Variants in CSMD1 observed in about 807,000 individuals in gnomAD.
CSMD1 encodes the protein CUB and sushi domain-containing protein 1.
In CSMD1, 213 loss-of-function variants were observed where a neutral mutation model predicts 417.5. The observed-to-expected ratio is 0.51, with a 90% CI of 0.46 to 0.57. CSMD1 has a LOEUF of 0.57. Ranked by LOEUF, CSMD1 falls within the 20% of genes least tolerant of loss-of-function variation. The probability of loss-of-function intolerance (pLI) is 0.00; values close to 1 mark genes in which losing one functional copy is unlikely to be tolerated. For missense variants in CSMD1, 6,923 were observed against 4,529.7 expected (o/e 1.53, Z -15.17); for synonymous variants, 2,862 against 1,736.8 (o/e 1.65, Z -16.11).
At chr8:4,102,234 C>A (rs915610614) in intron 3 of CSMD1, among the ~76,000 whole-genome samples, 1 of 152,132 alleles carries the variant, frequency 6.6e-6, no homozygotes, top group Non-Finnish European at 1.5e-5. Context: ...CCTTGCCCTT[C>A]TGTAATGTTT....
At chr8:4,524,852 T>G (rs1433460706) in intron 2 of CSMD1, among the ~76,000 whole-genome samples, 1 of 152,154 alleles carries the variant, frequency 6.6e-6, no homozygotes, top group Non-Finnish European at 1.5e-5. Flanking sequence ...TAATAAAAAT[T>G]GGAATTCATT....
chr8:3,545,174 C>T (rs1287214859), intron 10 of CSMD1, among the ~76,000 whole-genome samples: 2 of 152,164 alleles, frequency 1.3e-5, no homozygotes, highest in East Asian at 3.9e-4. Context: ...AAGGACTCTA[C>T]ACTTAGCAAA....
chr8:4,423,958 T>C (rs950957118), intron 2 of CSMD1, among the ~76,000 whole-genome samples: 2 of 151,998 alleles, frequency 1.3e-5, no homozygotes, highest in African/African-American at 4.8e-5. Flanking sequence ...TCAAAAGAAA[T>C]TGCATAGAAT....
intron 1 of CSMD1, among the ~76,000 whole-genome samples, chr8:4,796,759 A>C (rs2117261422): frequency 6.6e-6 from 1 of 152,324 alleles, no homozygotes; most frequent in East Asian, 1.9e-4. Context: ...GTGGAGCCGA[A>C]TTCAGTCCCC....
intron 15 of CSMD1, among the ~76,000 whole-genome samples, chr8:3,401,860 A>C (rs1265042578): frequency 6.6e-6 from 1 of 152,210 alleles, no homozygotes; most frequent in Non-Finnish European, 1.5e-5. Flanking sequence ...ATATTTGATG[A>C]ACATCATCAA....
At chr8:4,047,737 TAAATC>T (rs1345457197) in intron 3 of CSMD1, among the ~76,000 whole-genome samples, 5 of 151,758 alleles carry the variant, frequency 3.3e-5, no homozygotes, top group African/African-American at 9.7e-5. Flanking sequence ...TGGAGAAAAA[TAAATC>T]AAGAGAAAAT....
intron 52 of CSMD1, among the ~76,000 whole-genome samples, chr8:3,018,073 T>G (rs1358438150): frequency 6.6e-6 from 1 of 152,212 alleles, no homozygotes; most frequent in Non-Finnish European, 1.5e-5. Flanking sequence ...TGTAGACATA[T>G]AGCATTTTAA....
intron 1 of CSMD1, among the ~76,000 whole-genome samples, chr8:4,865,502 A>T (rs1172907876): frequency 6.6e-6 from 1 of 151,638 alleles, no homozygotes; most frequent in Non-Finnish European, 1.5e-5. Flanking sequence ...TCGTACTTTA[A>T]ACATGATGCA....
intron 1 of CSMD1, among the ~76,000 whole-genome samples, chr8:4,907,139 A>G (rs1266476818): frequency 6.6e-6 from 1 of 152,240 alleles, no homozygotes; most frequent in Non-Finnish European, 1.5e-5. Flanking sequence ...GAGTTAGGGA[A>G]TAATGATGAA....
At chr8:4,296,482 ATAAT>A (rs1797691605) in intron 3 of CSMD1, among the ~76,000 whole-genome samples, 1 of 152,130 alleles carries the variant, frequency 6.6e-6, no homozygotes, top group Non-Finnish European at 1.5e-5. Context: ...AATATTTTAA[ATAAT>A]TAATATCTTT....
At chr8:3,783,690 G>A (rs1755470724) in intron 5 of CSMD1, among the ~76,000 whole-genome samples, 1 of 152,168 alleles carries the variant, frequency 6.6e-6, no homozygotes, top group African/African-American at 2.4e-5. Flanking sequence ...GCAGTCAAAC[G>A]GAGGCTCCCC....
chr8:3,905,497 C>A (rs1808052458), intron 5 of CSMD1, among the ~76,000 whole-genome samples: 1 of 152,206 alleles, frequency 6.6e-6, no homozygotes, highest in African/African-American at 2.4e-5. Context: ...TGTGAAAGAT[C>A]TCTGTGCACC....
chr8:4,808,213 C>G (rs1798698873), intron 1 of CSMD1, among the ~76,000 whole-genome samples: 1 of 152,188 alleles, frequency 6.6e-6, no homozygotes, highest in South Asian at 2.1e-4. Context: ...ACCAGTCGGT[C>G]AGCAGCGGTA....
At chr8:4,721,420 A>C (rs1476270224) in intron 1 of CSMD1, among the ~76,000 whole-genome samples, 2 of 152,230 alleles carry the variant, frequency 1.3e-5, no homozygotes, top group Non-Finnish European at 2.9e-5. Flanking sequence ...TGACTACTAC[A>C]AATCAGATTC....
At chr8:3,847,470 C>T (rs1585084829) in intron 5 of CSMD1, among the ~76,000 whole-genome samples, 1 of 152,208 alleles carries the variant, frequency 6.6e-6, no homozygotes, top group Non-Finnish European at 1.5e-5. Context: ...CAGCCCTATA[C>T]TTGCAAGGAG....
At chr8:4,340,716 G>C (rs966844596) in intron 3 of CSMD1, among the ~76,000 whole-genome samples, 5 of 151,952 alleles carry the variant, frequency 3.3e-5, no homozygotes, top group African/African-American at 1.2e-4. Context: ...CAAAATATCA[G>C]CACGTGGAAC....
intron 27 of CSMD1, among the ~76,000 whole-genome samples, chr8:3,225,637 A>G (rs1798459606): frequency 6.6e-6 from 1 of 152,238 alleles, no homozygotes; most frequent in Non-Finnish European, 1.5e-5. Context: ...GGGTGCTACC[A>G]GCAGGAAGAG....
At chr8:4,610,151 C>G (rs201897800) in intron 2 of CSMD1, among the ~76,000 whole-genome samples, 13,699 of 152,064 alleles carry the variant, frequency 0.09, 710 homozygotes, top group East Asian at 0.17. Flanking sequence ...TTATGAACAC[C>G]TTTTCTTCCC....
At chr8:4,992,502 C>A (rs1032782411) in intron 1 of CSMD1, among the ~76,000 whole-genome samples, 4 of 152,138 alleles carry the variant, frequency 2.6e-5, no homozygotes, top group East Asian at 1.9e-4. Context: ...GGAAGTTTTG[C>A]GGAGTTGCGT....
Sources: allele counts gnomAD v4.1 joint callset (sites outside exome capture counted in the v4.1 genomes callset), GRCh38; gene constraint gnomAD v4.1.1; transcripts MANE v1.5; gene names NCBI Gene and HGNC (gene_info 2026-07-23, HGNC 2026-07-21).